Variants in ZFAND5 observed in about 807,000 individuals in gnomAD.
ZFAND5 encodes the protein zinc finger AN1-type containing 5.
In ZFAND5, 4 loss-of-function variants were observed where a neutral mutation model predicts 23.6. That is an observed-to-expected ratio of 0.17 (90% CI 0.08 to 0.39). The LOEUF (loss-of-function observed/expected upper bound fraction) is 0.39, where lower values mean the gene tolerates loss of function less well. Among genes scored for constraint, ZFAND5 ranks in the 10% least tolerant of loss-of-function variants. The pLI, the probability that ZFAND5 is intolerant of heterozygous loss-of-function variation, is 1.00. For missense variants in ZFAND5, 161 were observed against 253.7 expected, an observed-to-expected ratio of 0.63 and a Z score of 2.48; for synonymous variants, 68 against 80.6, an observed-to-expected ratio of 0.84 and a Z score of 0.84.
intron 4 of ZFAND5, 48 bp downstream of exon 4, chr9:72,360,062 G>T: frequency 1.3e-6 from 2 of 1,510,398 alleles, no homozygotes; most frequent in East Asian, 2.3e-5. Context: ...CAGACATCTT[G>T]ATTTCTTCTT....
intron 2 of ZFAND5, among the ~76,000 whole-genome samples, chr9:72,362,076 T>C (rs1196817674): frequency 1.3e-5 from 2 of 152,232 alleles, no homozygotes; most frequent in Non-Finnish European, 2.9e-5. Context: ...TCTTCCCTTT[T>C]GTAAGTAAAA....
intron 1 of ZFAND5, chr9:72,364,303 G>A (rs2735262): frequency 2.6e-6 from 2 of 765,272 alleles, no homozygotes; most frequent in Non-Finnish European, 3.4e-6. Context: ...GCTCCTCTTA[G>A]GGGAGAGCTA....
intron 1 of ZFAND5, 32 bp downstream of exon 1, chr9:72,364,664 C>T (rs1842212671): frequency 8.8e-7 from 1 of 1,131,728 alleles, no homozygotes. Flanking sequence ...AACAAGGAGC[C>T]CGGCTCCCAC....
chr9:72,364,259 C>G (rs1264682690), intron 1 of ZFAND5: 1 of 417,130 alleles, frequency 2.4e-6, no homozygotes, highest in African/African-American at 2.3e-5. Context: ...AGGCCCCACG[C>G]GGATCCCCGA....
Position 72,355,715 on chromosome 9 carries a change from G to A in ZFAND5, c.*238C>T. ...TATTATCTGTGTGTTTCACTTTGCT[G>A]TGCAGATTTTCATCCAATTTTTTTC... On this transcript the variant is annotated 3_prime_UTR_variant, in exon 7 of 7. Coordinates refer to ENST00000376962, the MANE Select transcript of ZFAND5 (RefSeq NM_001102420.3). The A allele has an allele frequency of 2.9e-6, 1 of 346,908 alleles. No homozygotes were observed. Among genetic ancestry groups the A allele is most frequent in the African/African-American group, 2.1e-5 (1 of 47,266 alleles). The allele number at this position is 346,908 out of a possible 1,614,324, so 21.5% of individuals were successfully genotyped here. A position where few individuals can be genotyped will look rare whatever the true frequency, so the allele number is the denominator to read the frequency against.
At position 72,353,714 on chromosome 9, in the gene ZFAND5, T is replaced by C. The variant is rs1459264308; in HGVS notation, c.*2239A>G. 1.4e-5 allele frequency: 2 copies of C among 144,782 alleles called. No homozygotes were observed. The highest frequency in any genetic ancestry group is 3.0e-5 in the Non-Finnish European group (2 of 66,376). 9.0% of individuals were successfully genotyped at this position (144,782 alleles called of 1,614,324 possible). ...CAGAGTGATGGAGTCCGAGGGCTCA[T>C]CTTACCTTCTCTATACCACTCTTAC... On this transcript the variant is annotated 3_prime_UTR_variant, in exon 7 of 7. Transcript: ENST00000376962.
In ZFAND5 at chr9:72,359,664, T is replaced by C. The variant is rs775475459; in HGVS notation, c.264-143A>G. 385 of 763,036 alleles carry C rather than the reference T, an allele frequency of 5.0e-4. 1 individual carries two copies. The highest frequency in any genetic ancestry group is 3.7e-4 in the Non-Finnish European group (188 of 508,844). The allele number at this position is 763,036 out of a possible 1,614,324, so 47.3% of individuals were successfully genotyped here. On this transcript the variant is annotated intron_variant, in intron 4 of 6. Transcript: ENST00000376962. Reference sequence around the variant, plus strand: ...AGATAATCTAAAGTTTAAAAAAAAATTGGATGCCCAGCACAAATGGTTGAG... The same window carrying C: ...AGATAATCTAAAGTTTAAAAAAAAACTGGATGCCCAGCACAAATGGTTGAG...
intron 1 of ZFAND5, 136 bp from the exon 2 acceptor site, chr9:72,363,742 T>A: frequency 8.8e-6 from 6 of 678,264 alleles, no homozygotes; most frequent in East Asian, 1.3e-4. Context: ...GCCTACTCTT[T>A]AAAAAAAATC....
intron 4 of ZFAND5, 69 bp downstream of exon 4, chr9:72,360,041 T>C (rs1215633108): frequency 6.9e-6 from 9 of 1,312,282 alleles, no homozygotes; most frequent in Admixed American, 2.2e-5. Flanking sequence ...TAACTTATTA[T>C]TGGACCAGTA....
Position 72,355,442 on chromosome 9 carries a change from G to A in ZFAND5, c.*511C>T, listed in dbSNP as rs1276115620. 1.3e-5 allele frequency: 2 copies of A among 152,638 alleles called. No homozygotes were observed. The highest frequency in any genetic ancestry group is 4.8e-5 in the African/African-American group (2 of 41,426). The allele number at this position is 152,638 out of a possible 1,614,324, so 9.5% of individuals were successfully genotyped here. A position where few individuals can be genotyped will look rare whatever the true frequency, so the allele number is the denominator to read the frequency against. Reference sequence around the variant, plus strand: ...CAAATACTGGTTTCACGGGAAAGAAGGTCTGATCCTCTTTATGAGCATTTC... The same window carrying A: ...CAAATACTGGTTTCACGGGAAAGAAAGTCTGATCCTCTTTATGAGCATTTC... On this transcript the variant is annotated 3_prime_UTR_variant, in exon 7 of 7. Transcript: ENST00000376962.
chr9:72,352,147 C>T lies in ZFAND5; in HGVS notation c.*3806G>A, dbSNP rs1388081079. On this transcript the variant is annotated 3_prime_UTR_variant, in exon 7 of 7. Transcript: ENST00000376962. ...CTCTCTACTAAAAATACAAAAAAAC[C>T]CAAAAAACAAAAAACATTAGCCAGG... 6.6e-6 allele frequency: 1 copy of T among 151,924 alleles called. No individual in the cohort carries two copies. The highest frequency in any genetic ancestry group is 2.4e-5 in the African/African-American group (1 of 41,342). The allele number at this position is 151,924 out of a possible 1,614,324, so 9.4% of individuals were successfully genotyped here.
At position 72,365,064 on chromosome 9, in the gene ZFAND5, C is replaced by G. The variant is rs1190941611; in HGVS notation, c.-515G>C. ...TGGGCGGACGAGGAGGGCGAGCGGA[C>G]CGCGCGCCGCGAGGCCTGGGGCCGT... is the stretch of plus-strand genomic sequence containing the variant. On this transcript the variant is annotated 5_prime_UTR_variant, in exon 1 of 7. Transcript: ENST00000376962. 1 of 152,186 alleles carries G rather than the reference C, an allele frequency of 6.6e-6. No individual in the cohort carries two copies. Among genetic ancestry groups the G allele is most frequent in the East Asian group, 1.9e-4 (1 of 5,172 alleles). The allele number at this position is 152,186 out of a possible 1,614,324, so 9.4% of individuals were successfully genotyped here.
chr9:72,364,555 G>C, intron 1 of ZFAND5, 141 bp downstream of exon 1: 1 of 1,272,178 alleles, frequency 7.9e-7, no homozygotes. Context: ...GGGCTGGCGG[G>C]CGGGCTCCCC....
Position 72,352,883 on chromosome 9 carries a change from C to G in ZFAND5, c.*3070G>C, listed in dbSNP as rs1270136575. 2.0e-5 allele frequency: 3 copies of G among 152,188 alleles called. No homozygotes were observed. The highest frequency in any genetic ancestry group is 4.4e-5 in the Non-Finnish European group (3 of 68,044). The allele number at this position is 152,188 out of a possible 1,614,324, so 9.4% of individuals were successfully genotyped here. A position where few individuals can be genotyped will look rare whatever the true frequency, so the allele number is the denominator to read the frequency against. On this transcript the variant is annotated 3_prime_UTR_variant, in exon 7 of 7. Coordinates refer to ENST00000376962, the MANE Select transcript of ZFAND5 (RefSeq NM_001102420.3). ...AGAGATGAAGCAGTCCAAAGTGGACCTAAAATAACTTGCCCAAAATCACGG... is the reference window on the plus strand; with the variant it reads ...AGAGATGAAGCAGTCCAAAGTGGACGTAAAATAACTTGCCCAAAATCACGG...
At chr9:72,357,098 C>G (rs1011291975) in intron 5 of ZFAND5, 42 bp from the exon 6 acceptor site, 4 of 1,587,706 alleles carry the variant, frequency 2.5e-6, no homozygotes, top group Non-Finnish European at 3.4e-6. Context: ...CATTCACTGG[C>G]TAACATTTTT....
In ZFAND5 at chr9:72,355,449, T is replaced by C. The variant is rs1841917498; in HGVS notation, c.*504A>G. On this transcript the variant is annotated 3_prime_UTR_variant, in exon 7 of 7. Coordinates refer to ENST00000376962, the MANE Select transcript of ZFAND5 (RefSeq NM_001102420.3). The stretch of plus-strand genomic sequence containing the variant: ...TGGTTTCACGGGAAAGAAGGTCTGA[T>C]CCTCTTTATGAGCATTTCTTCCTGC... 1 of 152,716 alleles carries C rather than the reference T, an allele frequency of 6.5e-6. No homozygotes were observed. 9.5% of individuals were successfully genotyped at this position (152,716 alleles called of 1,614,324 possible).
intron 2 of ZFAND5, among the ~76,000 whole-genome samples, chr9:72,363,239 G>A (rs1842155610): frequency 6.6e-6 from 1 of 152,100 alleles, no homozygotes; most frequent in African/African-American, 2.4e-5. Flanking sequence ...ACTATTTATT[G>A]CCTTTAAAGT....
intron 2 of ZFAND5, among the ~76,000 whole-genome samples, chr9:72,361,271 A>G (rs548984866): frequency 6.6e-6 from 1 of 152,344 alleles, no homozygotes; most frequent in East Asian, 1.9e-4. Context: ...CTTCATCAGT[A>G]ATTTGACAAA....
At position 72,356,119 on chromosome 9, in the gene ZFAND5, T is replaced by A; in HGVS notation, c.494-18A>T. ...GTCAAACCCTGTACAAACGAAGAAGTAGAGTCATTTGAGAACTTGAGGCAA... is the reference window on the plus strand; with the variant it reads ...GTCAAACCCTGTACAAACGAAGAAGAAGAGTCATTTGAGAACTTGAGGCAA... On this transcript the variant is annotated intron_variant, in intron 6 of 6. Transcript: ENST00000376962. 3.1e-6 allele frequency: 5 copies of A among 1,593,854 alleles called. No individual in the cohort carries two copies. The highest frequency in any genetic ancestry group is 4.3e-6 in the Non-Finnish European group (5 of 1,175,268).
Sources: gnomAD v4.1 joint callset for allele counts (sites outside exome capture counted in the v4.1 genomes callset) on GRCh38, gnomAD v4.1.1 for gene constraint, MANE v1.5 for transcripts, NCBI Gene and HGNC (gene_info 2026-07-23, HGNC 2026-07-21) for gene names.